The following ST18 variants were observed in gnomAD, a reference collection of about 807,000 sequenced individuals.
The protein encoded by ST18 is ST18 C2H2C-type zinc finger transcription factor, also known as suppression of tumorigenicity 18 protein.
ST18 carries 50 observed loss-of-function variants against 110.0 expected under a neutral mutation model. That is an observed-to-expected ratio of 0.45 (90% CI 0.36 to 0.58). The LOEUF (loss-of-function observed/expected upper bound fraction) is 0.58, where lower values mean the gene tolerates loss of function less well. Ranked by LOEUF, ST18 falls within the 20% of genes least tolerant of loss-of-function variation. The probability of loss-of-function intolerance (pLI) is 0.00; values close to 1 mark genes in which losing one functional copy is unlikely to be tolerated. For synonymous variants in ST18, 461 were observed against 452.4 expected (o/e 1.02, Z -0.24); for missense variants, 1,306 against 1,280.1 (o/e 1.02, Z -0.31).
At chr8:52,209,866 T>A (rs187084103) in intron 8 of ST18, among the ~76,000 whole-genome samples, 48 of 151,290 alleles carry the variant, frequency 3.2e-4, no homozygotes, top group African/African-American at 1.2e-3. Context: ...AATTTCTATT[T>A]CTCCACATAG....
chr8:52,279,330 A>G (rs1477643182), intron 2 of ST18, among the ~76,000 whole-genome samples: 2 of 152,166 alleles, frequency 1.3e-5, no homozygotes, highest in African/African-American at 4.8e-5. Flanking sequence ...CATGTGAAGA[A>G]CTGGGAGACA....
intron 2 of ST18, among the ~76,000 whole-genome samples, chr8:52,306,480 A>G (rs562615736): frequency 5.9e-5 from 9 of 152,344 alleles, no homozygotes; most frequent in Admixed American, 2.0e-4. Context: ...AAATAAATAC[A>G]TGAAAACAAA....
intron 2 of ST18, among the ~76,000 whole-genome samples, chr8:52,323,627 T>C (rs1176981662): frequency 6.6e-6 from 1 of 152,198 alleles, no homozygotes; most frequent in Admixed American, 6.5e-5. Flanking sequence ...AGGGTCTCTT[T>C]TGAGTATTTC....
At chr8:52,249,212 C>T (rs147122341) in intron 2 of ST18, 1 of 152,262 alleles carries the variant, frequency 6.6e-6, no homozygotes, top group Non-Finnish European at 1.5e-5. Context: ...AAAATAAGAA[C>T]ACTGATCACT....
chr8:52,158,989 A>G lies in ST18; in HGVS notation c.1715T>C (p.Ile572Thr), dbSNP rs375465801. The change falls in exon 15 of 26, where the codon ATA (isoleucine) becomes ACA (threonine). Residue 572 changes from isoleucine to threonine, a missense_variant. Transcript: ENST00000689386. ...GTTCAGGATGGCAGCAGCTGCTGCT[A>G]TGTGGGTGTCTTCACTACATTGACC... Reference protein sequence around the residue: ...SYGQCSEDTHIAAAAAILNLS... With the variant: ...SYGQCSEDTHTAAAAAILNLS... 5.0e-6 allele frequency: 8 copies of G among 1,613,944 alleles called. No homozygotes were observed. The highest frequency in any genetic ancestry group is 4.0e-5 in the African/African-American group (3 of 74,900).
intron 9 of ST18, among the ~76,000 whole-genome samples, chr8:52,177,559 G>A (rs1483865687): frequency 6.6e-6 from 1 of 152,154 alleles, no homozygotes; most frequent in East Asian, 1.9e-4. Context: ...CTTGTTCAGA[G>A]GGCTGAAGGC....
At chr8:52,192,581 C>T (rs552477389) in intron 8 of ST18, among the ~76,000 whole-genome samples, 303 of 152,310 alleles carry the variant, frequency 2.0e-3, no homozygotes, top group Non-Finnish European at 3.0e-3. Context: ...GACGTGACAC[C>T]TACCAGGATG....
intron 15 of ST18, among the ~76,000 whole-genome samples, chr8:52,157,964 T>A (rs990426062): frequency 7.2e-5 from 11 of 152,254 alleles, no homozygotes; most frequent in African/African-American, 2.7e-4. Context: ...ACATTTATTC[T>A]CAAGTAAGTC....
At chr8:52,204,245 T>C (rs2079091686) in intron 8 of ST18, among the ~76,000 whole-genome samples, 1 of 152,146 alleles carries the variant, frequency 6.6e-6, no homozygotes, top group Non-Finnish European at 1.5e-5. Context: ...ATCAAGAAAA[T>C]ACCAAAGAAA....
chr8:52,143,202 A>G (rs1445542609), intron 16 of ST18, among the ~76,000 whole-genome samples, 157 bp from the exon 17 acceptor site: 2 of 152,218 alleles, frequency 1.3e-5, no homozygotes, highest in East Asian at 3.9e-4. Flanking sequence ...AATAAATAAT[A>G]TAGGCCAGGC....
intron 9 of ST18, among the ~76,000 whole-genome samples, chr8:52,177,067 T>C (rs544119062): frequency 6.6e-6 from 1 of 152,328 alleles, no homozygotes; most frequent in East Asian, 1.9e-4. Flanking sequence ...CCCATGAGCT[T>C]GTGGTTACGC....
At chr8:52,277,899 A>G (rs1309231608) in intron 2 of ST18, among the ~76,000 whole-genome samples, 1 of 152,242 alleles carries the variant, frequency 6.6e-6, no homozygotes. Context: ...ACCACACAGA[A>G]TTGATAGCAA....
intron 2 of ST18, 86 bp downstream of exon 2, chr8:52,409,242 G>A (rs922035445): frequency 2.6e-5 from 4 of 152,242 alleles, no homozygotes; most frequent in African/African-American, 9.6e-5. Context: ...TGCGCATCTT[G>A]CGCCAGTGGT....
chr8:52,216,561 T>C (rs770154546), intron 6 of ST18, among the ~76,000 whole-genome samples: 1 of 152,204 alleles, frequency 6.6e-6, no homozygotes, highest in African/African-American at 2.4e-5. Context: ...AAACAAAAGT[T>C]ACTACATTGT....
rs2083293388 is a variant in ST18 at position 52,214,238 on chromosome 8, T to C, written c.20A>G (p.Asp7Gly). MDAEAE[D>G]KTLRTRSKGT... ...TTTAGAGCGAGTACGCAGCGTTTTA[T>C]CTTCAGCCTCTGCATCCATCTATAA... The change falls in exon 7 of 26, where the codon GAT (aspartate) becomes GGT (glycine). Residue 7 changes from aspartate (D) to glycine (G), a missense_variant. Transcript: ENST00000689386. 1 of 1,613,992 alleles carries C rather than the reference T, an allele frequency of 6.2e-7. No homozygotes were observed. Among genetic ancestry groups the C allele is most frequent in the Non-Finnish European group, 8.5e-7 (1 of 1,180,008 alleles).
chr8:52,182,541 C>T (rs1563922104), intron 8 of ST18, among the ~76,000 whole-genome samples: 1 of 152,070 alleles, frequency 6.6e-6, no homozygotes, highest in East Asian at 1.9e-4. Context: ...ATAAGCCAGA[C>T]AAATGAAAGA....
rs769021069 is a variant in ST18, at chr8:52,191,612, C to T, written c.87-11300G>A. ...AAGAAAAGAAAAGGAAGAGTTAGTT[C>T]GTACATGGTTCACCTCAGCATCTGA... On this transcript the variant is annotated intron_variant, in intron 8 of 25. Coordinates refer to ENST00000689386, the MANE Select transcript of ST18 (RefSeq NM_001352837.2). 3.3e-5 allele frequency among the ~76,000 whole-genome samples: 5 copies of T among 152,212 alleles called. 1 individual carries two copies. The highest frequency in any genetic ancestry group is 6.5e-5 in the Admixed American group (1 of 15,288).
At chr8:52,325,328 G>C (rs2139978678) in intron 2 of ST18, among the ~76,000 whole-genome samples, 1 of 152,286 alleles carries the variant, frequency 6.6e-6, no homozygotes, top group East Asian at 1.9e-4. Flanking sequence ...AAATAGGTAA[G>C]ACCCGAAGAG....
chr8:52,118,345 T>G lies in ST18; in HGVS notation c.2852A>C (p.Gln951Pro). 6.2e-7 allele frequency: 1 copy of G among 1,600,520 alleles called. No homozygotes were observed. The highest frequency in any genetic ancestry group is 8.5e-7 in the Non-Finnish European group (1 of 1,172,714). ...ATTACTTCTTTTTTTTACCTGGGTC[T>G]GAAGTTTCATCATATCTGCTTCAAT... ...LKIEADMMKL[Q>P]TQITSMESNL... Residue 951 changes from glutamine (Q) to proline (P), a missense_variant, in exon 24 of 26, where the codon CAG becomes CCG. By Grantham distance (76) the Gln-to-Pro change is moderately conservative. Transcript: ENST00000689386.
Sources: allele counts gnomAD v4.1 joint callset (sites outside exome capture counted in the v4.1 genomes callset), GRCh38; gene constraint gnomAD v4.1.1; transcripts MANE v1.5; gene names NCBI Gene and HGNC (gene_info 2026-07-23, HGNC 2026-07-21).